Variants in PTPRG observed in about 807,000 individuals in gnomAD.
The protein encoded by PTPRG is receptor-type tyrosine-protein phosphatase gamma.
Under a neutral mutation model 165.3 loss-of-function variants are expected in PTPRG, and 102 were observed. That is an observed-to-expected ratio of 0.62 (90% CI 0.53 to 0.73). The LOEUF is 0.73. Ranked by LOEUF, PTPRG falls within the 30% of genes least tolerant of loss-of-function variation. The pLI is 0.00. For synonymous variants in PTPRG, 675 were observed against 669.5 expected (o/e 1.01, Z -0.13); for missense variants, 1,866 against 1,861.4 (o/e 1.00, Z -0.05).
chr3:61,849,614 G>A (rs914969618), intron 2 of PTPRG, among the ~76,000 whole-genome samples: 3 of 152,154 alleles, frequency 2.0e-5, no homozygotes, highest in Admixed American at 6.5e-5. Context: ...ATGATGCAGT[G>A]TGAGGGAAGC....
chr3:61,907,699 T>C (rs1034658235), intron 2 of PTPRG, among the ~76,000 whole-genome samples: 3 of 152,206 alleles, frequency 2.0e-5, no homozygotes, highest in Admixed American at 6.5e-5. Flanking sequence ...GAAGAATTCT[T>C]GGTTGCTTTG....
intron 2 of PTPRG, among the ~76,000 whole-genome samples, chr3:61,814,121 G>A (rs185931807): frequency 1.2e-4 from 19 of 152,184 alleles, no homozygotes; most frequent in African/African-American, 4.3e-4. Context: ...GGCTGGTCTC[G>A]AACTCCTGAC....
At position 62,020,452 on chromosome 3, in the gene PTPRG, T is replaced by C. The variant is rs145104626; in HGVS notation, c.519+16955T>C. On this transcript the variant is annotated intron_variant, in intron 4 of 29. Coordinates refer to ENST00000474889, the MANE Select transcript of PTPRG (RefSeq NM_002841.4). The stretch of plus-strand genomic sequence containing the variant: ...CAAAATGCAAATTGTTTATGGTCTT[T>C]TGATTATCAAAGTAATACATGTTCA... 1.1e-4 allele frequency among the ~76,000 whole-genome samples: 17 copies of C among 152,368 alleles called. No homozygotes were observed. The East Asian group carries it at 3.3e-3, about 29-fold the overall frequency.
chr3:62,280,891 C>A (rs918107822), intron 26 of PTPRG, among the ~76,000 whole-genome samples: 4 of 151,814 alleles, frequency 2.6e-5, no homozygotes, highest in Non-Finnish European at 5.9e-5. Flanking sequence ...CAAGAGGATA[C>A]AAAACAACAG....
intron 1 of PTPRG, among the ~76,000 whole-genome samples, chr3:61,716,678 A>C (rs2106771758): frequency 6.6e-6 from 1 of 152,308 alleles, no homozygotes; most frequent in South Asian, 2.1e-4. Flanking sequence ...TTACTTTTTA[A>C]ATAAAAACTC....
chr3:61,969,071 T>C (rs1157205219), intron 2 of PTPRG, among the ~76,000 whole-genome samples: 1 of 152,200 alleles, frequency 6.6e-6, no homozygotes, highest in Non-Finnish European at 1.5e-5. Context: ...TGTATCAGTT[T>C]ATACATCCTT....
chr3:61,693,332 T>C (rs1285831783), intron 1 of PTPRG, among the ~76,000 whole-genome samples: 1 of 152,252 alleles, frequency 6.6e-6, no homozygotes, highest in Non-Finnish European at 1.5e-5. Context: ...CAGATGCTTC[T>C]ACTTATTACC....
At chr3:61,691,968 C>T (rs1452174561) in intron 1 of PTPRG, among the ~76,000 whole-genome samples, 2 of 152,234 alleles carry the variant, frequency 1.3e-5, no homozygotes, top group South Asian at 4.1e-4. Flanking sequence ...AATACATTTT[C>T]GGTTGCAGAG....
chr3:61,724,217 C>CA (rs1260061643), intron 1 of PTPRG, among the ~76,000 whole-genome samples: 90,533 of 128,812 alleles, frequency 0.7, 31,931 homozygotes, highest in Middle Eastern at 0.79. Context: ...CTCCCATCTC[C>CA]AAAAAAAAAA....
chr3:61,623,550 C>T (rs1050092291), intron 1 of PTPRG, among the ~76,000 whole-genome samples: 5 of 152,110 alleles, frequency 3.3e-5, no homozygotes, highest in African/African-American at 7.2e-5. Flanking sequence ...ATGACTTGTT[C>T]AGGAGGTAGG....
chr3:62,251,123 C>G (rs1701404453), intron 15 of PTPRG, among the ~76,000 whole-genome samples: 1 of 152,158 alleles, frequency 6.6e-6, no homozygotes, highest in African/African-American at 2.4e-5. Flanking sequence ...TAAAGTGGCT[C>G]ATGCCTATAA....
intron 4 of PTPRG, among the ~76,000 whole-genome samples, chr3:62,077,594 G>T (rs939336121): frequency 1.3e-5 from 2 of 152,110 alleles, no homozygotes; most frequent in South Asian, 4.1e-4. Flanking sequence ...GGACTAGAAG[G>T]CATTGGTTTT....
At chr3:61,673,965 A>G (rs1703124700) in intron 1 of PTPRG, among the ~76,000 whole-genome samples, 1 of 144,068 alleles carries the variant, frequency 6.9e-6, no homozygotes, top group Non-Finnish European at 1.5e-5. Context: ...TGTTGTCATA[A>G]GTGGGAGTTG....
chr3:61,869,641 C>G (rs1361735521), intron 2 of PTPRG, among the ~76,000 whole-genome samples: 1 of 150,718 alleles, frequency 6.6e-6, no homozygotes, highest in African/African-American at 2.4e-5. Flanking sequence ...TGCAGTGGTG[C>G]ATTCATGGCT....
chr3:61,844,211 G>C (rs944654101), intron 2 of PTPRG, among the ~76,000 whole-genome samples: 2 of 152,124 alleles, frequency 1.3e-5, no homozygotes, highest in Non-Finnish European at 2.9e-5. Flanking sequence ...TGATCTGCCT[G>C]CCTTTGCCTC....
At chr3:61,795,639 CAAAAAAAAAA>C (rs145136197) in intron 2 of PTPRG, among the ~76,000 whole-genome samples, 7 of 59,450 alleles carry the variant, frequency 1.2e-4, no homozygotes, top group Non-Finnish European at 2.0e-4. Context: ...GACTCCGTCT[CAAAAAAAAAA>C]AAAAAAAAAA....
intron 1 of PTPRG, among the ~76,000 whole-genome samples, chr3:61,610,723 T>C (rs1242661903): frequency 6.8e-6 from 1 of 147,346 alleles, no homozygotes; most frequent in East Asian, 1.9e-4. Flanking sequence ...GTATTACTTA[T>C]TCTCTCATTG....
chr3:62,132,595 C>T lies in PTPRG; in HGVS notation c.616-7C>T, dbSNP rs756201759. 3.1e-6 allele frequency: 5 copies of T among 1,599,200 alleles called. No homozygotes were observed. Among genetic ancestry groups the T allele is most frequent in the Non-Finnish European group, 4.3e-6 (5 of 1,166,418 alleles). On this transcript the variant is annotated splice_region_variant and splice_polypyrimidine_tract_variant and intron_variant, in intron 5 of 29. Transcript: ENST00000474889. ...GATTTAACCAATCATGTTTCCTTTA[C>T]ATTTAGGTCAGTCCGAGGGACAATT...
At chr3:62,127,334 TTAGG>T (rs1356917114) in intron 5 of PTPRG, among the ~76,000 whole-genome samples, 1 of 152,168 alleles carries the variant, frequency 6.6e-6, no homozygotes, top group East Asian at 1.9e-4. Context: ...ACGTGGCTCT[TTAGG>T]TAAGAGCCAC....
Sources: gnomAD v4.1 joint callset for allele counts (sites outside exome capture counted in the v4.1 genomes callset) on GRCh38, gnomAD v4.1.1 for gene constraint, MANE v1.5 for transcripts, NCBI Gene and HGNC (gene_info 2026-07-23, HGNC 2026-07-21) for gene names.